The following SV2C variants were observed in gnomAD, a reference collection of about 807,000 sequenced individuals.
SV2C encodes solute carrier family 22 member B3.
Under a neutral mutation model 79.7 loss-of-function variants are expected in SV2C, and 49 were observed. That is an observed-to-expected ratio of 0.61 (90% CI 0.49 to 0.78). SV2C has a LOEUF of 0.78. Among genes scored for constraint, SV2C ranks in the 30% least tolerant of loss-of-function variants. The pLI, the probability that SV2C is intolerant of heterozygous loss-of-function variation, is 0.00. For missense variants in SV2C, 833 were observed against 912.9 expected (o/e 0.91, Z 1.13); for synonymous variants, 334 against 333.2 (o/e 1.00, Z -0.03).
chr5:75,910,334 CAAAGGAG>C, the SV2C span: 9 of 550,292 alleles, frequency 1.6e-5, no homozygotes, highest in Non-Finnish European at 2.9e-5. Context: ...GTAGTCTTCC[CAAAGGAG>C]ATCATTATTC....
the SV2C span, among the ~76,000 whole-genome samples, chr5:75,954,257 T>G: frequency 6.6e-6 from 1 of 151,972 alleles, no homozygotes; most frequent in Non-Finnish European, 1.5e-5. Context: ...ATTTCTTAAG[T>G]ACTTTAATGT....
chr5:76,100,881 C>T (rs182266442), intron 1 of SV2C, among the ~76,000 whole-genome samples: 31 of 152,328 alleles, frequency 2.0e-4, no homozygotes, highest in African/African-American at 7.0e-4. Context: ...TGGCATCTAC[C>T]TAGTAGATGA....
chr5:75,935,969 A>G, the SV2C span, among the ~76,000 whole-genome samples: 1 of 152,242 alleles, frequency 6.6e-6, no homozygotes, highest in African/African-American at 2.4e-5. Flanking sequence ...ATTAAATTAT[A>G]GATGTCTACT....
chr5:76,211,513 C>A (rs374374027), intron 4 of SV2C, among the ~76,000 whole-genome samples: 1 of 151,512 alleles, frequency 6.6e-6, no homozygotes, highest in Admixed American at 6.6e-5. Flanking sequence ...TGCACACACA[C>A]GTGCACATGT....
At chr5:76,210,266 AG>A (rs753829938) in intron 4 of SV2C, among the ~76,000 whole-genome samples, 7 of 152,208 alleles carry the variant, frequency 4.6e-5, no homozygotes, top group Non-Finnish European at 1.0e-4. Flanking sequence ...GCACAGATTA[AG>A]GGCTCAGTCC....
At chr5:76,058,973 T>C in the SV2C span, among the ~76,000 whole-genome samples, 2 of 152,134 alleles carry the variant, frequency 1.3e-5, no homozygotes, top group South Asian at 2.1e-4. Flanking sequence ...AAGCAAATAA[T>C]GTAATAAGAA....
chr5:76,294,304 C>CTTTT (rs70979391), intron 8 of SV2C, among the ~76,000 whole-genome samples: 33 of 129,484 alleles, frequency 2.5e-4, no homozygotes, highest in Non-Finnish European at 3.8e-4. Context: ...TTCTCTCTCT[C>CTTTT]TTTTTTTTTT....
intron 2 of SV2C, among the ~76,000 whole-genome samples, chr5:76,165,365 T>C (rs931442916): frequency 6.6e-6 from 1 of 152,202 alleles, no homozygotes; most frequent in Non-Finnish European, 1.5e-5. Flanking sequence ...TTTCTGTTTG[T>C]GTGTGTGGAG....
chr5:76,092,589 T>TC (rs1324533463), intron 1 of SV2C, among the ~76,000 whole-genome samples: 1 of 152,142 alleles, frequency 6.6e-6, no homozygotes, highest in Admixed American at 6.5e-5. Context: ...ACCCCCATCC[T>TC]CAATAAATCT....
chr5:75,861,609 T>C, the SV2C span, among the ~76,000 whole-genome samples: 309 of 149,998 alleles, frequency 2.1e-3, 1 homozygote, highest in Non-Finnish European at 3.5e-3. Context: ...AAAAAAAACA[T>C]GGTACATACA....
chr5:76,231,787 A>G (rs898385419), intron 4 of SV2C, among the ~76,000 whole-genome samples: 9 of 145,748 alleles, frequency 6.2e-5, no homozygotes, highest in Admixed American at 2.0e-4. Context: ...TTATGGCTGC[A>G]TAGTATTCCA....
At chr5:75,920,538 C>T in the SV2C span, 1 of 464,066 alleles carries the variant, frequency 2.2e-6, no homozygotes. Flanking sequence ...CTGGTCACAC[C>T]ATCTTGGAAT....
At chr5:76,189,706 T>C (rs935340101) in intron 2 of SV2C, among the ~76,000 whole-genome samples, 3 of 152,200 alleles carry the variant, frequency 2.0e-5, no homozygotes, top group African/African-American at 4.8e-5. Flanking sequence ...ACTACAGTCA[T>C]TCTGCAGCTT....
chr5:76,294,888 A>G (rs2112511686), intron 8 of SV2C, among the ~76,000 whole-genome samples: 1 of 152,296 alleles, frequency 6.6e-6, no homozygotes, highest in African/African-American at 2.4e-5. Flanking sequence ...TACCTTGGGA[A>G]CTGGCATTCT....
chr5:76,244,989 G>C (rs1212480814), intron 4 of SV2C, among the ~76,000 whole-genome samples: 1 of 152,196 alleles, frequency 6.6e-6, no homozygotes, highest in African/African-American at 2.4e-5. Flanking sequence ...CTTCCTGACA[G>C]GAACTGTCTC....
chr5:76,084,761 C>T (rs1747120201), intron 1 of SV2C, among the ~76,000 whole-genome samples: 1 of 151,678 alleles, frequency 6.6e-6, no homozygotes, highest in African/African-American at 2.4e-5. Context: ...GCGTCAAAAG[C>T]TCTGGGTTGA....
chr5:75,851,687 C>A, the SV2C span, among the ~76,000 whole-genome samples: 1 of 152,090 alleles, frequency 6.6e-6, no homozygotes, highest in Non-Finnish European at 1.5e-5. Flanking sequence ...GTCACCCAGG[C>A]TGGAGTGCAG....
upstream of SV2C, among the ~76,000 whole-genome samples, chr5:76,080,664 G>A (rs1449038468): frequency 1.3e-5 from 2 of 152,152 alleles, no homozygotes; most frequent in African/African-American, 4.8e-5. Context: ...CTCATTAGGT[G>A]TCTTTCACAG....
intron 4 of SV2C, among the ~76,000 whole-genome samples, chr5:76,222,880 G>C (rs1421896358): frequency 1.3e-5 from 2 of 152,104 alleles, no homozygotes; most frequent in Non-Finnish European, 2.9e-5. Flanking sequence ...TAGAAATTTG[G>C]TCATTCCCCA....
Sources: allele counts gnomAD v4.1 joint callset (sites outside exome capture counted in the v4.1 genomes callset), GRCh38; gene constraint gnomAD v4.1.1; transcripts MANE v1.5; gene names NCBI Gene and HGNC (gene_info 2026-07-23, HGNC 2026-07-21).